CCDC62: variants seen among roughly 807,000 people sequenced by gnomAD.
CCDC62 encodes coiled-coil domain-containing protein 62.
A neutral mutation model predicts 80.8 loss-of-function variants in CCDC62; 72 were observed. The ratio of observed to expected loss-of-function variants is 0.89; its 90% CI spans 0.74 to 1.08. The LOEUF (loss-of-function observed/expected upper bound fraction) is 1.08, where lower values mean the gene tolerates loss of function less well. Ranked by LOEUF, CCDC62 falls within the 50% of genes least tolerant of loss-of-function variation. The pLI is 0.00. For synonymous variants in CCDC62, 286 were observed against 296.5 expected (o/e 0.96, Z 0.36); for missense variants, 704 against 809.4 (o/e 0.87, Z 1.58).
chr12:122,797,749 C>T (rs983760316), intron 7 of CCDC62, among the ~76,000 whole-genome samples: 8 of 151,862 alleles, frequency 5.3e-5, no homozygotes, highest in African/African-American at 1.9e-4. Flanking sequence ...ACTGTGTTGG[C>T]CAGGCTGGTC....
At chr12:122,792,594 C>T (rs1216129694) in intron 6 of CCDC62, among the ~76,000 whole-genome samples, 2 of 152,074 alleles carry the variant, frequency 1.3e-5, no homozygotes, top group Admixed American at 6.6e-5. Context: ...TCTCGGCTCA[C>T]TGCAACCTCT....
At chr12:122,794,661 T>G (rs2030827595) in intron 6 of CCDC62, among the ~76,000 whole-genome samples, 1 of 152,008 alleles carries the variant, frequency 6.6e-6, no homozygotes, top group South Asian at 2.1e-4. Context: ...ACAAAAGAAT[T>G]TATTTATTTA....
At chr12:122,822,031 C>A (rs978375372) in intron 11 of CCDC62, among the ~76,000 whole-genome samples, 1 of 145,496 alleles carries the variant, frequency 6.9e-6, no homozygotes. Flanking sequence ...GAATGGGCAA[C>A]AATGGGAGAC....
intron 1 of CCDC62, 63 bp downstream of exon 1, chr12:122,774,769 T>C: frequency 1.7e-6 from 2 of 1,156,000 alleles, no homozygotes; most frequent in Non-Finnish European, 2.2e-6. Flanking sequence ...TCGAAATCTA[T>C]TGCTTCTCAA....
intron 10 of CCDC62, among the ~76,000 whole-genome samples, chr12:122,812,646 A>AGGCAGGAGAATGGCGTGAACCC (rs547631737): frequency 0.12 from 1,393 of 11,916 alleles, 253 homozygotes; most frequent in East Asian, 0.25. Flanking sequence ...TGGGAGGCTG[A>AGGCAGGAGAATGGCGTGAACCC]GGTGGGTGGA....
intron 10 of CCDC62, among the ~76,000 whole-genome samples, chr12:122,812,976 T>G (rs996938437): frequency 1.6e-4 from 24 of 151,218 alleles, no homozygotes; most frequent in African/African-American, 5.6e-4. Context: ...GGCAGGAGGG[T>G]AACTTGAGGC....
intron 10 of CCDC62, among the ~76,000 whole-genome samples, chr12:122,807,644 C>G (rs756831511): frequency 7.2e-5 from 11 of 152,034 alleles, no homozygotes; most frequent in Non-Finnish European, 1.2e-4. Flanking sequence ...GGCACTGTAC[C>G]TGGCCAGACA....
intron 10 of CCDC62, among the ~76,000 whole-genome samples, chr12:122,812,777 G>GAGAGAAAGAAAGAA (rs750420995): frequency 8.7e-5 from 5 of 57,780 alleles, no homozygotes; most frequent in African/African-American, 3.9e-4. Flanking sequence ...GAGAGAGAGA[G>GAGAGAAAGAAAGAA]AGAAAGAAAG....
intron 3 of CCDC62, among the ~76,000 whole-genome samples, chr12:122,783,535 T>C (rs1337315944): frequency 6.6e-6 from 1 of 152,120 alleles, no homozygotes; most frequent in African/African-American, 2.4e-5. Context: ...CCCATTCTTT[T>C]ATTTCTTAGT....
intron 10 of CCDC62, among the ~76,000 whole-genome samples, chr12:122,812,721 CA>C (rs71085857): frequency 5.0e-4 from 24 of 47,550 alleles, no homozygotes; most frequent in South Asian, 1.8e-3. Context: ...GACTCCGTCT[CA>C]AAAAAAAAAA....
In CCDC62 at chr12:122,806,409, T is replaced by TG. The variant is rs1371587345; in HGVS notation, c.1851+114_1851+115insG. 8.9e-4 allele frequency: 547 copies of TG among 616,776 alleles called. 3 individuals carry two copies. The African/African-American group carries it at 9.4e-3, about 11-fold the overall frequency. The allele number at this position is 616,776 out of a possible 1,614,324, so 38.2% of individuals were successfully genotyped here. A position where few individuals can be genotyped will look rare whatever the true frequency, so the allele number is the denominator to read the frequency against. ...CTTATTTTGGCTATTCCTCCGTTTT[T>TG]TTTTTTTTTTTTTTAATTCTAGGAT... On this transcript the variant is annotated intron_variant, in intron 10 of 12. Coordinates refer to ENST00000253079, the MANE Select transcript of CCDC62 (RefSeq NM_201435.5).
intron 3 of CCDC62, 134 bp downstream of exon 3, chr12:122,781,464 T>G: frequency 1.4e-6 from 1 of 735,342 alleles, no homozygotes. Context: ...GGCAGGTGGA[T>G]CACCTGAGGT....
intron 11 of CCDC62, among the ~76,000 whole-genome samples, chr12:122,817,218 ATTTTTT>A (rs71085859): frequency 7.4e-6 from 1 of 134,282 alleles, no homozygotes; most frequent in Non-Finnish European, 1.5e-5. Flanking sequence ...CGCCTAGCTA[ATTTTTT>A]TTTTTTTTTG....
rs188680145 is a variant in CCDC62, at chr12:122,789,487, C to T, written c.670+558C>T. ...TCACTCTGTCACCCAGGCTGGAGTG[C>T]GGTGGTGCAATCTTGGTTCACCACT... On this transcript the variant is annotated intron_variant, in intron 5 of 12. Coordinates refer to ENST00000253079, the MANE Select transcript of CCDC62 (RefSeq NM_201435.5). Among the ~76,000 whole-genome samples the T allele has an allele frequency of 3.8e-3, 586 of 152,320 alleles. 3 individuals carry two copies. The highest frequency in any genetic ancestry group is 6.2e-3 in the Non-Finnish European group (422 of 68,028).
intron 10 of CCDC62, among the ~76,000 whole-genome samples, chr12:122,807,486 G>T (rs1344934106): frequency 3.0e-5 from 4 of 135,168 alleles, no homozygotes; most frequent in Non-Finnish European, 6.1e-5. Flanking sequence ...AGCCGAGATT[G>T]CACCATTGCA....
At chr12:122,784,274 G>A (rs545954001) in intron 3 of CCDC62, among the ~76,000 whole-genome samples, 2 of 152,320 alleles carry the variant, frequency 1.3e-5, no homozygotes, top group East Asian at 3.9e-4. Context: ...TGTAATCCCA[G>A]TACCTTGGGA....
chr12:122,815,978 T>C (rs1186606382), intron 11 of CCDC62, among the ~76,000 whole-genome samples: 1 of 152,140 alleles, frequency 6.6e-6, no homozygotes, highest in Admixed American at 6.6e-5. Context: ...TCCTTCAGAT[T>C]GGTATTTTGT....
chr12:122,795,535 T>C (rs1355247771), intron 6 of CCDC62, among the ~76,000 whole-genome samples: 1 of 152,122 alleles, frequency 6.6e-6, no homozygotes, highest in East Asian at 1.9e-4. Context: ...GCCATTCTCC[T>C]GCCTCAGCCT....
At chr12:122,812,748 A>AGG (rs2031957250) in intron 10 of CCDC62, among the ~76,000 whole-genome samples, 1 of 122,716 alleles carries the variant, frequency 8.1e-6, no homozygotes, top group African/African-American at 3.3e-5. Flanking sequence ...AAAGAGAGAG[A>AGG]GAGGGAGGGA....
Sources: gnomAD v4.1 joint callset for allele counts (sites outside exome capture counted in the v4.1 genomes callset) on GRCh38, gnomAD v4.1.1 for gene constraint, MANE v1.5 for transcripts, NCBI Gene and HGNC (gene_info 2026-07-23, HGNC 2026-07-21) for gene names.